PAPPA: variants seen among roughly 807,000 people sequenced by gnomAD.
The protein encoded by PAPPA is pappalysin-1.
A neutral mutation model predicts 164.0 loss-of-function variants in PAPPA; 60 were observed. That is an observed-to-expected ratio of 0.37 (90% CI 0.30 to 0.45). The LOEUF is 0.45. PAPPA is among the 20% of genes least tolerant of loss of function. The probability of loss-of-function intolerance (pLI) is 1.00; values close to 1 mark genes in which losing one functional copy is unlikely to be tolerated. For missense variants in PAPPA, 1,782 were observed against 2,087.3 expected (o/e 0.85, Z 2.85); for synonymous variants, 875 against 814.1 (o/e 1.07, Z -1.27).
In PAPPA at chr9:116,207,582, G is replaced by A; in HGVS notation, c.1605G>A (p.Lys535=). ...GAGTAGCAACTTGGCCATGGGACAA[G>A]GAGGCCCTGATGCACTTAGGTGAGT... ...LAGVATWPWD[K]EALMHLGGIV... The change falls in exon 3 of 22, where the codon AAG becomes AAA. Residue 535 remains lysine (K), a synonymous_variant. Coordinates refer to ENST00000328252, the MANE Select transcript of PAPPA (RefSeq NM_002581.5). 1 of 1,613,548 alleles carries A rather than the reference G, an allele frequency of 6.2e-7. No homozygotes were observed. The highest frequency in any genetic ancestry group is 8.5e-7 in the Non-Finnish European group (1 of 1,179,660).
Position 116,154,379 on chromosome 9 carries a change from G to T in PAPPA, c.207G>T (p.Trp69Cys). 9.4e-7 allele frequency: 1 copy of T among 1,062,856 alleles called. No homozygotes were observed. Among genetic ancestry groups the T allele is most frequent in the South Asian group, 3.9e-5 (1 of 25,508 alleles). The allele number at this position is 1,062,856 out of a possible 1,614,324, so 65.8% of individuals were successfully genotyped here. The change falls in exon 1 of 22, where the codon TGG becomes TGT. Residue 69 changes from tryptophan to cysteine, a missense_variant. Physicochemically the swap from Trp to Cys is radical, Grantham distance 215 (BLOSUM62 -2). This residue lies in a region of PAPPA where 458 missense variants were observed against 430.3 expected (regional missense o/e 1.06). Transcript: ENST00000328252. This position sits in a 1 kb window ranked among gnomAD's most constrained non-coding sequence, Gnocchi z 5.2. ...PPPPPPPGGA[W>C]EAVRVPRRRQ... is the part of the protein sequence containing the mutation. ...CGCCGCCGCCGCCGGGCGGTGCCTGGGAAGCCGTGCGCGTCCCCCGGCGGC... is the reference window on the plus strand; with the variant it reads ...CGCCGCCGCCGCCGGGCGGTGCCTGTGAAGCCGTGCGCGTCCCCCGGCGGC...
Position 116,353,749 on chromosome 9 carries a change from A to T in PAPPA, c.4303A>T (p.Asn1435Tyr), listed in dbSNP as rs766903085. The T allele has an allele frequency of 6.2e-7, 1 of 1,614,130 alleles. No homozygotes were observed. The highest frequency in any genetic ancestry group is 2.2e-5 in the East Asian group (1 of 44,876). The change falls in exon 17 of 22, where the codon AAC becomes TAC. Residue 1435 changes from asparagine (N) to tyrosine (Y), a missense_variant. Physicochemically the swap from Asn to Tyr is moderately radical, Grantham distance 143 (BLOSUM62 -2). Transcript: ENST00000328252. ...CCAGTGTACTAATGGCTTCCAGTTC[A>T]ACAGTGAGTGTAGGATCAAGTGTGA... ...LYQCTNGFQF[N>Y]SECRIKCEDS...
At chr9:116,217,244 C>A (rs1377448493) in intron 4 of PAPPA, among the ~76,000 whole-genome samples, 4 of 152,158 alleles carry the variant, frequency 2.6e-5, no homozygotes, top group Non-Finnish European at 5.9e-5. Context: ...CAGTGTCATT[C>A]ATCTTGAGAA....
At chr9:116,176,071 G>T (rs1843830359) in intron 1 of PAPPA, among the ~76,000 whole-genome samples, 1 of 152,166 alleles carries the variant, frequency 6.6e-6, no homozygotes, top group Non-Finnish European at 1.5e-5. Context: ...ACTGATGGTG[G>T]AGACTCATGA....
Position 116,187,016 on chromosome 9 carries a change from C to T in PAPPA, c.416-138C>T. 1 of 649,794 alleles carries T rather than the reference C, an allele frequency of 1.5e-6. No homozygotes were observed. The allele number at this position is 649,794 out of a possible 1,614,324, so 40.3% of individuals were successfully genotyped here. A position where few individuals can be genotyped will look rare whatever the true frequency, so the allele number is the denominator to read the frequency against. ...GTGGTCCCAGAGGCACCATTAGCAACTCCTAGGATCCCACAGAGCAGTTGG... is the reference window on the plus strand; with the variant it reads ...GTGGTCCCAGAGGCACCATTAGCAATTCCTAGGATCCCACAGAGCAGTTGG... On this transcript the variant is annotated intron_variant, in intron 1 of 21. Coordinates refer to ENST00000328252, the MANE Select transcript of PAPPA (RefSeq NM_002581.5). This position sits in a 1 kb window ranked among gnomAD's most constrained non-coding sequence, Gnocchi z 4.2.
intron 9 of PAPPA, chr9:116,286,613 C>G (rs907887902): frequency 1.3e-5 from 2 of 152,058 alleles, no homozygotes; most frequent in Admixed American, 1.3e-4. Flanking sequence ...CTGGGCCCAG[C>G]GTGTTCAATC....
intron 1 of PAPPA, among the ~76,000 whole-genome samples, chr9:116,164,907 A>G (rs1027393861): frequency 6.6e-6 from 1 of 152,226 alleles, no homozygotes; most frequent in African/African-American, 2.4e-5. Context: ...ATTTAAGTCC[A>G]AAGAAACAAG....
intron 10 of PAPPA, among the ~76,000 whole-genome samples, chr9:116,323,182 C>T (rs1297407650): frequency 6.6e-6 from 1 of 152,178 alleles, no homozygotes; most frequent in East Asian, 1.9e-4. Context: ...ACATCGTTAA[C>T]TCCTCTAATT....
chr9:116,184,322 T>A (rs1843944023), intron 1 of PAPPA, among the ~76,000 whole-genome samples: 1 of 152,184 alleles, frequency 6.6e-6, no homozygotes, highest in Non-Finnish European at 1.5e-5. Flanking sequence ...CATGATATCA[T>A]CTAAGCTGAC....
At chr9:116,305,268 CT>C (rs1186170965) in intron 10 of PAPPA, among the ~76,000 whole-genome samples, 3 of 151,734 alleles carry the variant, frequency 2.0e-5, no homozygotes, top group Non-Finnish European at 4.4e-5. Flanking sequence ...TATAATTGTG[CT>C]CTTCATTACC....
chr9:116,227,999 C>A (rs1844536432), intron 6 of PAPPA, among the ~76,000 whole-genome samples: 1 of 152,258 alleles, frequency 6.6e-6, no homozygotes, highest in African/African-American at 2.4e-5. Flanking sequence ...TGTGTTGCAA[C>A]TATTCCTTTT....
intron 1 of PAPPA, among the ~76,000 whole-genome samples, chr9:116,169,595 C>T (rs565457609): frequency 7.2e-5 from 11 of 151,932 alleles, no homozygotes; most frequent in African/African-American, 2.2e-4. Context: ...GCTGGGATTA[C>T]AAGCATGAGC....
At chr9:116,189,480 C>T (rs1844017100) in intron 2 of PAPPA, among the ~76,000 whole-genome samples, 1 of 152,128 alleles carries the variant, frequency 6.6e-6, no homozygotes, top group African/African-American at 2.4e-5. Context: ...ACACTCCAGG[C>T]AGAAGGAATT....
At chr9:116,175,951 G>A (rs1231693465) in intron 1 of PAPPA, among the ~76,000 whole-genome samples, 1 of 152,192 alleles carries the variant, frequency 6.6e-6, no homozygotes, top group Non-Finnish European at 1.5e-5. Context: ...AACTACATGT[G>A]GGAACTATCA....
chr9:116,167,598 G>T (rs1587936038), intron 1 of PAPPA, among the ~76,000 whole-genome samples: 1 of 152,082 alleles, frequency 6.6e-6, no homozygotes, highest in South Asian at 2.1e-4. Context: ...CTGATGAGGG[G>T]CCCTGATGCA....
At chr9:116,368,315 C>G (rs576894703) in intron 19 of PAPPA, among the ~76,000 whole-genome samples, 1 of 152,334 alleles carries the variant, frequency 6.6e-6, no homozygotes, top group Non-Finnish European at 1.5e-5. Context: ...GTGCTTAGCA[C>G]GAAGACTCCA....
rs1160495448 is a variant in PAPPA at position 116,154,616 on chromosome 9, C to A, written c.415+29C>A. ...GGTGAGGGCGCCTCGGCGGGCGCTG[C>A]ACCGTCCCTGCGGCCCCAGAGGCTC... On this transcript the variant is annotated intron_variant, in intron 1 of 21. Coordinates refer to ENST00000328252, the MANE Select transcript of PAPPA (RefSeq NM_002581.5). The surrounding 1 kb of genome is among the most constrained non-coding windows in gnomAD (Gnocchi z 5.2). 1.2e-5 allele frequency: 16 copies of A among 1,300,662 alleles called. No homozygotes were observed. Among genetic ancestry groups the A allele is most frequent in the African/African-American group, 1.5e-5 (1 of 64,750 alleles). The allele number at this position is 1,300,662 out of a possible 1,614,324, so 80.6% of individuals were successfully genotyped here.
At chr9:116,368,342 GT>G (rs1846529318) in intron 19 of PAPPA, among the ~76,000 whole-genome samples, 2 of 152,242 alleles carry the variant, frequency 1.3e-5, no homozygotes, top group Admixed American at 1.3e-4. Flanking sequence ...CCTCAGCACA[GT>G]TGTATGAGAG....
chr9:116,377,179 T>TAC (rs370953038), intron 19 of PAPPA, among the ~76,000 whole-genome samples: 67 of 150,878 alleles, frequency 4.4e-4, no homozygotes, highest in Non-Finnish European at 1.0e-4. Context: ...TATGCACACA[T>TAC]ACACACACAC....
Sources: allele counts gnomAD v4.1 joint callset (sites outside exome capture counted in the v4.1 genomes callset), GRCh38; gene constraint gnomAD v4.1.1; regional missense constraint gnomAD v4.1.1; non-coding constraint Gnocchi (gnomAD v3.1); transcripts MANE v1.5; gene names NCBI Gene and HGNC (gene_info 2026-07-23, HGNC 2026-07-21).